FBXO25: variants seen among roughly 807,000 people sequenced by gnomAD.
FBXO25 encodes the protein F-box only protein 25.
A neutral mutation model predicts 51.9 loss-of-function variants in FBXO25; 45 were observed. The ratio of observed to expected loss-of-function variants is 0.87; its 90% CI spans 0.68 to 1.11. The LOEUF is 1.11. FBXO25 is among the 50% of genes most tolerant of loss of function. The pLI, the probability that FBXO25 is intolerant of heterozygous loss-of-function variation, is 0.00. For synonymous variants in FBXO25, 199 were observed against 151.0 expected (o/e 1.32, Z -2.33); for missense variants, 507 against 428.5 (o/e 1.18, Z -1.62).
intron 5 of FBXO25, among the ~76,000 whole-genome samples, chr8:442,200 T>C (rs1314945274): frequency 3.3e-5 from 5 of 152,118 alleles, no homozygotes; most frequent in Non-Finnish European, 7.4e-5. Context: ...TGGCAAGTAG[T>C]AGGCACTTGT....
At chr8:422,889 G>A (rs4493890) in intron 2 of FBXO25, among the ~76,000 whole-genome samples, 8 of 152,042 alleles carry the variant, frequency 5.3e-5, no homozygotes, top group African/African-American at 1.9e-4. Flanking sequence ...TATGTGTTAC[G>A]GGAGGTACAC....
At chr8:454,490 A>G (rs1442879989) in intron 7 of FBXO25, among the ~76,000 whole-genome samples, 1 of 152,202 alleles carries the variant, frequency 6.6e-6, no homozygotes, top group East Asian at 1.9e-4. Flanking sequence ...GGACCCAGGG[A>G]GATGAGCACA....
intron 2 of FBXO25, among the ~76,000 whole-genome samples, chr8:414,781 GC>G (rs199841042): frequency 1.4e-3 from 212 of 152,240 alleles, no homozygotes; most frequent in Non-Finnish European, 1.1e-3. Context: ...TGACAGCAAC[GC>G]TGGGTACCCT....
chr8:426,554 G>C (rs528950746), intron 2 of FBXO25, among the ~76,000 whole-genome samples: 1 of 152,082 alleles, frequency 6.6e-6, no homozygotes, highest in African/African-American at 2.4e-5. Context: ...TAGGGAGTGT[G>C]GTGGTCCAAG....
intron 9 of FBXO25, 73 bp downstream of exon 9, chr8:463,223 A>C (rs1799932096): frequency 6.6e-7 from 1 of 1,513,920 alleles, no homozygotes. Flanking sequence ...CTATATTTTA[A>C]GTATAAGACT....
chr8:415,816 A>C (rs2117448655), intron 2 of FBXO25, among the ~76,000 whole-genome samples: 1 of 152,340 alleles, frequency 6.6e-6, no homozygotes, highest in Admixed American at 6.5e-5. Flanking sequence ...CTATAAAGGA[A>C]AGATACTGAA....
Position 472,561 on chromosome 8 carries a change from A to G in FBXO25, c.*3757A>G, listed in dbSNP as rs1378763715. ...TGTGATCTCTTGGGTTTTGGTGTCC[A>G]TCTCATAGGATAAGCTTAGAAAGTG... On this transcript the variant is annotated 3_prime_UTR_variant, in exon 10 of 10. Coordinates refer to ENST00000350302, the MANE Select transcript of FBXO25 (RefSeq NM_183420.2). The G allele has an allele frequency of 8.0e-6, 1 of 125,272 alleles. No homozygotes were observed. The highest frequency in any genetic ancestry group is 1.6e-5 in the Non-Finnish European group (1 of 64,438). 7.8% of individuals were successfully genotyped at this position (125,272 alleles called of 1,614,324 possible).
chr8:474,348 C>T lies in FBXO25; in HGVS notation c.*5544C>T, dbSNP rs1288842990. 1.6e-5 allele frequency: 4 copies of T among 249,568 alleles called. No homozygotes were observed. Among genetic ancestry groups the T allele is most frequent in the Admixed American group, 1.6e-4 (3 of 19,080 alleles). 15.5% of individuals were successfully genotyped at this position (249,568 alleles called of 1,614,324 possible). On this transcript the variant is annotated 3_prime_UTR_variant, in exon 10 of 10. Coordinates refer to ENST00000350302, the MANE Select transcript of FBXO25 (RefSeq NM_183420.2). ...TGTTTGTGTACTCATCTGTTGAGGA[C>T]ACTTGAGTTGCTTCCACCTTTTAGC...
At chr8:458,281 A>G (rs1416265116) in intron 7 of FBXO25, 88 bp from the exon 8 acceptor site, 1 of 1,425,494 alleles carries the variant, frequency 7.0e-7, no homozygotes, top group Admixed American at 1.9e-5. Flanking sequence ...CATGTTTTGA[A>G]GCATTCATTC....
intron 4 of FBXO25, among the ~76,000 whole-genome samples, chr8:434,472 A>C (rs537047922): frequency 1.3e-4 from 20 of 152,176 alleles, no homozygotes; most frequent in Admixed American, 1.3e-3. Flanking sequence ...CAGTCAGTCA[A>C]CATATTTGGA....
chr8:419,395 T>A (rs1397390681), intron 2 of FBXO25, among the ~76,000 whole-genome samples: 1 of 152,104 alleles, frequency 6.6e-6, no homozygotes, highest in Non-Finnish European at 1.5e-5. Flanking sequence ...CAAGGTTTAC[T>A]ATAAAATGTA....
chr8:444,649 T>G (rs1798625837), intron 5 of FBXO25, among the ~76,000 whole-genome samples: 1 of 152,158 alleles, frequency 6.6e-6, no homozygotes, highest in African/African-American at 2.4e-5. Flanking sequence ...AATTGTCAGA[T>G]TTGAGGAGAT....
At chr8:416,157 A>G (rs1267841721) in intron 2 of FBXO25, among the ~76,000 whole-genome samples, 1 of 152,146 alleles carries the variant, frequency 6.6e-6, no homozygotes, top group East Asian at 1.9e-4. Context: ...GTCATCTGCT[A>G]TGTGCCGGTA....
chr8:467,490 C>G (rs890610306), intron 9 of FBXO25, among the ~76,000 whole-genome samples: 2 of 152,202 alleles, frequency 1.3e-5, no homozygotes, highest in African/African-American at 4.8e-5. Flanking sequence ...TGTCTTAAGA[C>G]TGTCTTCAAG....
intron 3 of FBXO25, 117 bp downstream of exon 3, chr8:431,561 G>A: frequency 1.8e-6 from 1 of 550,486 alleles, no homozygotes; most frequent in South Asian, 2.9e-5. Context: ...TAACAGCCCA[G>A]TATCCAGCAT....
At chr8:433,238 G>A (rs1438972599) in intron 4 of FBXO25, among the ~76,000 whole-genome samples, 2 of 152,074 alleles carry the variant, frequency 1.3e-5, no homozygotes, top group African/African-American at 4.8e-5. Context: ...GCATGTATTT[G>A]TGCAGATACT....
chr8:414,676 CTG>C (rs1394665377), intron 2 of FBXO25, among the ~76,000 whole-genome samples: 3 of 152,324 alleles, frequency 2.0e-5, no homozygotes, highest in Admixed American at 2.0e-4. Context: ...GGCTACCCCT[CTG>C]TCTCCCTTTC....
chr8:430,664 C>T lies in FBXO25; in HGVS notation c.135-677C>T, dbSNP rs192237832. ...TGTGGAAAATAAAAATTTTACACAG[C>T]GTTAGTTTTGAGGATGTGGATTACT... On this transcript the variant is annotated intron_variant, in intron 2 of 9. Coordinates refer to ENST00000350302, the MANE Select transcript of FBXO25 (RefSeq NM_183420.2). Among the ~76,000 whole-genome samples the T allele has an allele frequency of 3.9e-5, 6 of 152,026 alleles. No homozygotes were observed. In the East Asian group the frequency reaches 7.7e-4, roughly 20 times the overall value.
chr8:464,755 A>G (rs1005505678), intron 9 of FBXO25, among the ~76,000 whole-genome samples: 21 of 152,154 alleles, frequency 1.4e-4, no homozygotes, highest in African/African-American at 5.1e-4. Flanking sequence ...TATTATTTTA[A>G]TAGTTTTATT....
Sources: gnomAD v4.1 joint callset for allele counts (sites outside exome capture counted in the v4.1 genomes callset) on GRCh38, gnomAD v4.1.1 for gene constraint, MANE v1.5 for transcripts, NCBI Gene and HGNC (gene_info 2026-07-23, HGNC 2026-07-21) for gene names.